CSMD2: variants seen among roughly 807,000 people sequenced by gnomAD.
The protein encoded by CSMD2 is CUB and sushi domain-containing protein 2.
CSMD2 carries 130 observed loss-of-function variants against 398.5 expected under a neutral mutation model. That is an observed-to-expected ratio of 0.33 (90% CI 0.28 to 0.38). The LOEUF is 0.38. Among genes scored for constraint, CSMD2 ranks in the 10% least tolerant of loss-of-function variants. The pLI is 1.00. For missense variants in CSMD2, 3,829 were observed against 4,764.9 expected, an observed-to-expected ratio of 0.80 and a Z score of 5.78; for synonymous variants, 1,828 against 1,908.5, an observed-to-expected ratio of 0.96 and a Z score of 1.10.
intron 20 of CSMD2, 130 bp downstream of exon 20, chr1:33,716,156 T>C (rs1646160503): frequency 1.3e-6 from 1 of 745,008 alleles, no homozygotes; most frequent in Admixed American, 2.6e-5. Flanking sequence ...GCTGAAGCAC[T>C]AAGGTCAACT....
intron 2 of CSMD2, among the ~76,000 whole-genome samples, chr1:34,066,834 G>A (rs1381492917): frequency 6.6e-6 from 1 of 152,192 alleles, no homozygotes; most frequent in Non-Finnish European, 1.5e-5. Context: ...ATGGGCTTGG[G>A]GTCTGCAGGA....
chr1:33,966,852 A>G (rs1308473183), intron 3 of CSMD2, among the ~76,000 whole-genome samples: 2 of 152,208 alleles, frequency 1.3e-5, no homozygotes, highest in Non-Finnish European at 2.9e-5. Context: ...GTATATGCCC[A>G]GGAAACCCAT....
At chr1:33,768,175 A>T (rs1489363962) in intron 13 of CSMD2, among the ~76,000 whole-genome samples, 1 of 152,208 alleles carries the variant, frequency 6.6e-6, no homozygotes, top group African/African-American at 2.4e-5. Context: ...ACAGACTTTA[A>T]TCATAGCCTC....
chr1:34,087,792 T>G (rs1011307987), intron 2 of CSMD2, among the ~76,000 whole-genome samples: 2 of 152,118 alleles, frequency 1.3e-5, no homozygotes, highest in Non-Finnish European at 2.9e-5. Flanking sequence ...TTTTTCTCAC[T>G]GCTATTCCCC....
At chr1:33,547,377 C>T (rs941661233) in intron 56 of CSMD2, among the ~76,000 whole-genome samples, 6 of 152,262 alleles carry the variant, frequency 3.9e-5, no homozygotes, top group South Asian at 2.1e-4. Flanking sequence ...GAACAATTAC[C>T]GAATAAATGA....
chr1:33,983,237 CGAT>C (rs1400023658), intron 3 of CSMD2, among the ~76,000 whole-genome samples: 2 of 152,234 alleles, frequency 1.3e-5, no homozygotes, highest in East Asian at 3.9e-4. Context: ...AAAAAATATC[CGAT>C]GATTATTTTT....
intron 42 of CSMD2, among the ~76,000 whole-genome samples, chr1:33,603,398 C>A (rs1291117660): frequency 6.6e-6 from 1 of 152,146 alleles, no homozygotes; most frequent in African/African-American, 2.4e-5. Context: ...CCCCAAACAC[C>A]ATGGTCCAGA....
intron 3 of CSMD2, among the ~76,000 whole-genome samples, chr1:33,985,474 G>A (rs556201200): frequency 5.8e-4 from 89 of 152,350 alleles, no homozygotes; most frequent in African/African-American, 1.9e-3. Flanking sequence ...TGGCAGAGAG[G>A]TGGAAGTGGT....
At chr1:33,627,389 C>T (rs769072717) in intron 32 of CSMD2, among the ~76,000 whole-genome samples, 3 of 152,220 alleles carry the variant, frequency 2.0e-5, no homozygotes, top group Non-Finnish European at 2.9e-5. Flanking sequence ...TCTGGGGAAG[C>T]GCAGGGAGAA....
chr1:34,056,755 C>G (rs1366776239), intron 2 of CSMD2, among the ~76,000 whole-genome samples: 1 of 152,154 alleles, frequency 6.6e-6, no homozygotes, highest in Admixed American at 6.5e-5. Context: ...TAAAACAAGA[C>G]CTGTGTTAAG....
chr1:33,691,243 AT>A (rs1645229291), intron 25 of CSMD2, among the ~76,000 whole-genome samples: 1 of 152,186 alleles, frequency 6.6e-6, no homozygotes, highest in Non-Finnish European at 1.5e-5. Context: ...AAAGGCCAGA[AT>A]AAAATGTTTA....
intron 38 of CSMD2, 70 bp from the exon 39 acceptor site, chr1:33,617,045 G>GTACA: frequency 8.1e-7 from 1 of 1,235,934 alleles, no homozygotes; most frequent in Non-Finnish European, 1.2e-6. Context: ...ACCAGGGGCT[G>GTACA]TACAGGGGTC....
At chr1:33,817,863 GT>G (rs1657651375) in intron 9 of CSMD2, among the ~76,000 whole-genome samples, 1 of 152,216 alleles carries the variant, frequency 6.6e-6, no homozygotes. Context: ...TTGTTTTACA[GT>G]AGCAGGTGAT....
chr1:34,106,214 A>G (rs1660512778), intron 1 of CSMD2, among the ~76,000 whole-genome samples: 1 of 152,148 alleles, frequency 6.6e-6, no homozygotes, highest in African/African-American at 2.4e-5. Flanking sequence ...TCTCCACGTG[A>G]CAAGTGGTTC....
intron 9 of CSMD2, among the ~76,000 whole-genome samples, chr1:33,818,720 C>T (rs541227512): frequency 6.6e-6 from 1 of 152,240 alleles, no homozygotes; most frequent in South Asian, 2.1e-4. Flanking sequence ...GGATGTAAGG[C>T]TTATTTGAAA....
chr1:33,521,569 C>T lies in CSMD2; in HGVS notation c.10510-19G>A, dbSNP rs780203488. On this transcript the variant is annotated intron_variant, in intron 67 of 70. Transcript: ENST00000373381. ...ACGAGACCTGTGATGGTGGGGAGCACAGAGAGCAGGTGGGAGGCTGCTGGA... is the reference window on the plus strand; with the variant it reads ...ACGAGACCTGTGATGGTGGGGAGCATAGAGAGCAGGTGGGAGGCTGCTGGA... 2 of 1,524,978 alleles carry T rather than the reference C, an allele frequency of 1.3e-6. No individual in the cohort carries two copies. The highest frequency in any genetic ancestry group is 2.2e-5 in the East Asian group (1 of 44,506). The allele number at this position is 1,524,978 out of a possible 1,614,324, so 94.5% of individuals were successfully genotyped here.
chr1:33,589,594 C>T (rs981023962), intron 44 of CSMD2, among the ~76,000 whole-genome samples: 4 of 152,108 alleles, frequency 2.6e-5, no homozygotes, highest in Admixed American at 1.3e-4. Flanking sequence ...TGTGATGAAC[C>T]AATATGTTAG....
chr1:34,009,045 C>T (rs1279660233), intron 3 of CSMD2, among the ~76,000 whole-genome samples: 5 of 152,066 alleles, frequency 3.3e-5, no homozygotes, highest in Admixed American at 6.6e-5. Flanking sequence ...ACACAACATA[C>T]CACACAAACT....
chr1:34,091,584 G>A (rs1658566839), intron 1 of CSMD2, among the ~76,000 whole-genome samples: 1 of 151,822 alleles, frequency 6.6e-6, no homozygotes, highest in Admixed American at 6.6e-5. Flanking sequence ...ACTGACAAAG[G>A]ACAGTTAATC....
Sources: gnomAD v4.1 joint callset for allele counts (sites outside exome capture counted in the v4.1 genomes callset) on GRCh38, gnomAD v4.1.1 for gene constraint, MANE v1.5 for transcripts, NCBI Gene and HGNC (gene_info 2026-07-23, HGNC 2026-07-21) for gene names.